The following BRD10 variants were observed in gnomAD, a reference collection of about 807,000 sequenced individuals.
The protein encoded by BRD10 is bromodomain containing 10.
At chr9:5,924,929 C>T in the BRD10 span, 7 of 974,024 alleles carry the variant, frequency 7.2e-6, no homozygotes, top group East Asian at 2.9e-5. Flanking sequence ...TTTTAAACTA[C>T]ATATGGAAAT....
the BRD10 span, among the ~76,000 whole-genome samples, chr9:5,946,293 G>GGAA: frequency 1.1e-4 from 17 of 152,018 alleles, 1 homozygote; most frequent in South Asian, 3.3e-3. Context: ...GACCAAGTAG[G>GGAA]GAAAATATGT....
chr9:5,900,764 G>C, the BRD10 span, among the ~76,000 whole-genome samples: 2 of 152,202 alleles, frequency 1.3e-5, no homozygotes, highest in Non-Finnish European at 2.9e-5. Flanking sequence ...GCTTTTTGTA[G>C]CAACAGGAAG....
the BRD10 span, among the ~76,000 whole-genome samples, chr9:5,965,056 T>TAAAA: frequency 3.4e-5 from 4 of 118,278 alleles, no homozygotes; most frequent in Non-Finnish European, 3.5e-5. Flanking sequence ...TAAAGTATAA[T>TAAAA]AAAAAAAAAA....
the BRD10 span, among the ~76,000 whole-genome samples, chr9:6,003,043 C>T: frequency 2.0e-5 from 3 of 152,248 alleles, no homozygotes; most frequent in Admixed American, 2.0e-4. Context: ...AAAGCAATCA[C>T]AAAACCAAAT....
chr9:5,933,904 C>G, the BRD10 span: 2 of 463,186 alleles, frequency 4.3e-6, no homozygotes, highest in African/African-American at 4.0e-5. Context: ...AAAAGAGGGA[C>G]ATAAATAAAT....
chr9:5,926,680 C>T, the BRD10 span, among the ~76,000 whole-genome samples: 3 of 151,942 alleles, frequency 2.0e-5, no homozygotes, highest in African/African-American at 4.8e-5. Context: ...TACAGGTGCC[C>T]GCCACCACAC....
At chr9:5,933,906 T>C in the BRD10 span, 14 of 462,992 alleles carry the variant, frequency 3.0e-5, no homozygotes, top group South Asian at 1.6e-4. Flanking sequence ...AAGAGGGACA[T>C]AAATAAATTC....
At chr9:5,990,905 A>G in the BRD10 span, among the ~76,000 whole-genome samples, 2 of 152,240 alleles carry the variant, frequency 1.3e-5, no homozygotes, top group Non-Finnish European at 2.9e-5. Flanking sequence ...GTAATTCAAC[A>G]ACTACAACCA....
chr9:6,007,836 TG>T, the BRD10 span: 1 of 1,393,696 alleles, frequency 7.2e-7, no homozygotes, highest in Non-Finnish European at 9.2e-7. Flanking sequence ...CTCGAGGTGC[TG>T]GGGGACGCGT....
At chr9:5,886,548 C>T in the BRD10 span, among the ~76,000 whole-genome samples, 1 of 152,296 alleles carries the variant, frequency 6.6e-6, no homozygotes, top group South Asian at 2.1e-4. Flanking sequence ...GAGATTTGCC[C>T]AAGGTCACAC....
At chr9:5,951,035 TACACACACACACAC>T in the BRD10 span, among the ~76,000 whole-genome samples, 21 of 141,756 alleles carry the variant, frequency 1.5e-4, no homozygotes, top group Middle Eastern at 3.5e-3. Flanking sequence ...GGGCTGACTG[TACACACACACACAC>T]ACACACACAC....
the BRD10 span, among the ~76,000 whole-genome samples, chr9:5,972,589 G>A: frequency 6.6e-6 from 1 of 152,102 alleles, no homozygotes; most frequent in Non-Finnish European, 1.5e-5. Context: ...AGAACTAATT[G>A]TTAAAATGGG....
chr9:6,006,583 A>C, the BRD10 span, among the ~76,000 whole-genome samples: 2 of 152,232 alleles, frequency 1.3e-5, no homozygotes, highest in Non-Finnish European at 2.9e-5. Flanking sequence ...ACATAAATGT[A>C]TAAACTTTAA....
chr9:5,988,537 C>T, the BRD10 span: 1 of 1,613,080 alleles, frequency 6.2e-7, no homozygotes, highest in Non-Finnish European at 8.5e-7. Flanking sequence ...TGTCTTTTCT[C>T]TCAAGTGCCT....
chr9:5,896,493 G>A, the BRD10 span, among the ~76,000 whole-genome samples: 1 of 152,192 alleles, frequency 6.6e-6, no homozygotes, highest in Non-Finnish European at 1.5e-5. Flanking sequence ...TGAGACAGAA[G>A]TTGTCCAGTA....
At chr9:5,888,034 C>T in the BRD10 span, among the ~76,000 whole-genome samples, 8 of 152,148 alleles carry the variant, frequency 5.3e-5, no homozygotes, top group South Asian at 2.1e-4. Context: ...CCATAGCTCA[C>T]GATGGAAACC....
chr9:5,914,188 G>T, the BRD10 span: 1 of 344,932 alleles, frequency 2.9e-6, no homozygotes. Flanking sequence ...ATGTCTGCGA[G>T]GAAGGTTAAA....
chr9:5,935,328 C>T, the BRD10 span, among the ~76,000 whole-genome samples: 1 of 152,142 alleles, frequency 6.6e-6, no homozygotes, highest in African/African-American at 2.4e-5. Flanking sequence ...AGCATGAAGG[C>T]AAACTACAAC....
chr9:5,914,230 G>A, the BRD10 span, among the ~76,000 whole-genome samples: 1 of 152,056 alleles, frequency 6.6e-6, no homozygotes, highest in Non-Finnish European at 1.5e-5. Flanking sequence ...GGGTCACTAG[G>A]TTTGGTTCAG....
Sources: gnomAD v4.1 joint callset for allele counts (sites outside exome capture counted in the v4.1 genomes callset) on GRCh38, gnomAD v4.1.1 for gene constraint, MANE v1.5 for transcripts, NCBI Gene and HGNC (gene_info 2026-07-23, HGNC 2026-07-21) for gene names.